Variants in TFEB observed in about 807,000 individuals in gnomAD.
TFEB encodes T-cell transcription factor EB.
Under a neutral mutation model 48.0 loss-of-function variants are expected in TFEB, and 12 were observed. The observed-to-expected ratio is 0.25, with a 90% confidence interval of 0.16 to 0.40. TFEB has a LOEUF of 0.40. Among genes scored for constraint, TFEB ranks in the 10% least tolerant of loss-of-function variants. The pLI is 1.00. For missense variants in TFEB, 509 were observed against 640.3 expected, an observed-to-expected ratio of 0.79 and a Z score of 2.21; for synonymous variants, 244 against 261.4, an observed-to-expected ratio of 0.93 and a Z score of 0.64.
intron 1 of TFEB, among the ~76,000 whole-genome samples, chr6:41,731,318 A>G (rs1483054134): frequency 6.6e-6 from 1 of 152,122 alleles, no homozygotes; most frequent in East Asian, 1.9e-4. Flanking sequence ...CCACGTTCTC[A>G]ACAACCCCCT....
intron 1 of TFEB, among the ~76,000 whole-genome samples, chr6:41,701,463 A>G (rs1224593309): frequency 6.6e-6 from 1 of 152,212 alleles, no homozygotes; most frequent in Non-Finnish European, 1.5e-5. Context: ...CTTTCCAGAA[A>G]GAGATGCACG....
At chr6:41,713,763 C>T (rs1166355308) in intron 1 of TFEB, among the ~76,000 whole-genome samples, 3 of 152,210 alleles carry the variant, frequency 2.0e-5, no homozygotes, top group Non-Finnish European at 4.4e-5. Flanking sequence ...CAGGAGCTAA[C>T]TGGCCCTGCT....
intron 1 of TFEB, among the ~76,000 whole-genome samples, chr6:41,698,371 C>T (rs994129297): frequency 2.0e-5 from 3 of 152,124 alleles, no homozygotes; most frequent in South Asian, 2.1e-4. Flanking sequence ...AGCCTCCCTG[C>T]GATCAAAGAG....
At chr6:41,688,408 G>C (rs758574721) in intron 4 of TFEB, among the ~76,000 whole-genome samples, 2 of 152,006 alleles carry the variant, frequency 1.3e-5, no homozygotes, top group African/African-American at 4.8e-5. Flanking sequence ...AAGGCACTCC[G>C]GGCAGCCACC....
At chr6:41,687,239 C>G (rs1769058724) in intron 6 of TFEB, 70 bp from the exon 7 acceptor site, 1 of 1,509,172 alleles carries the variant, frequency 6.6e-7, no homozygotes, top group Admixed American at 1.7e-5. Flanking sequence ...GGAGAAGTAC[C>G]CAGCCCAGGG....
intron 1 of TFEB, among the ~76,000 whole-genome samples, chr6:41,696,865 A>C (rs926186975): frequency 1.3e-5 from 2 of 152,334 alleles, no homozygotes; most frequent in East Asian, 3.9e-4. Context: ...TGCTCTGCGT[A>C]TATGAGTTCA....
intron 1 of TFEB, among the ~76,000 whole-genome samples, chr6:41,700,249 A>G (rs1298876962): frequency 5.3e-5 from 8 of 152,088 alleles, no homozygotes; most frequent in Non-Finnish European, 7.4e-5. Context: ...GGCGGATCAC[A>G]AGGTCAAGAG....
At chr6:41,708,360 C>A (rs1770334627) in intron 1 of TFEB, among the ~76,000 whole-genome samples, 1 of 152,190 alleles carries the variant, frequency 6.6e-6, no homozygotes, top group African/African-American at 2.4e-5. Context: ...AGGGCCCCAG[C>A]CACATGCTCT....
chr6:41,687,919 C>G lies in TFEB; in HGVS notation c.659G>C (p.Arg220Pro), dbSNP rs765986780. ...GAGGGAGGCAGTACCTGTGAGCTCTCGCTTCTGGGTCAGGTCCGCAGGGCA... is the reference window on the plus strand; with the variant it reads ...GAGGGAGGCAGTACCTGTGAGCTCTGGCTTCTGGGTCAGGTCCGCAGGGCA... Reference protein sequence around the residue: ...SSCPADLTQKRELTDAESRAL... With the variant: ...SSCPADLTQKPELTDAESRAL... Residue 220 changes from arginine (R) to proline (P), a missense_variant, in exon 5 of 9, where the codon CGA becomes CCA. Coordinates refer to ENST00000373033, the MANE Select transcript of TFEB (RefSeq NM_001271944.2). 16 of 1,613,632 alleles carry G rather than the reference C, an allele frequency of 9.9e-6. No individual in the cohort carries two copies. Among genetic ancestry groups the G allele is most frequent in the South Asian group, 3.3e-5 (3 of 91,032 alleles).
chr6:41,733,948 G>C (rs1310809994), intron 1 of TFEB: 1 of 930,002 alleles, frequency 1.1e-6, no homozygotes, highest in Non-Finnish European at 1.3e-6. Context: ...GGCCAGGGCG[G>C]GTGCAGGGGC....
At chr6:41,721,660 C>T (rs1406712629) in intron 1 of TFEB, among the ~76,000 whole-genome samples, 2 of 152,222 alleles carry the variant, frequency 1.3e-5, no homozygotes, top group Non-Finnish European at 2.9e-5. Flanking sequence ...ATCTGTCAGA[C>T]ACTTACTCCA....
intron 1 of TFEB, chr6:41,733,571 G>C (rs1177616323): frequency 3.1e-6 from 3 of 973,274 alleles, no homozygotes; most frequent in Non-Finnish European, 3.7e-6. Flanking sequence ...CCAGCTCTCC[G>C]GGCCCCGCGG....
In TFEB at chr6:41,734,228, G is replaced by A; in HGVS notation, c.-23+1122C>T. On this transcript the variant is annotated intron_variant, in intron 1 of 8. Transcript: ENST00000373033. This position sits in a 1 kb window ranked among gnomAD's most constrained non-coding sequence, Gnocchi z 4.0. ...TTCGGGGGAAGGCGCAGCGGCCAGG[G>A]GCTGGCGGAGAGCGGAGGGCGGGGG... 4.3e-6 allele frequency: 2 copies of A among 469,380 alleles called. No homozygotes were observed. Among genetic ancestry groups the A allele is most frequent in the East Asian group, 1.5e-4 (1 of 6,486 alleles). 29.1% of individuals were successfully genotyped at this position (469,380 alleles called of 1,614,324 possible). A position where few individuals can be genotyped will look rare whatever the true frequency, so the allele number is the denominator to read the frequency against.
intron 1 of TFEB, among the ~76,000 whole-genome samples, chr6:41,696,159 G>A (rs1013915325): frequency 3.9e-5 from 6 of 152,184 alleles, no homozygotes; most frequent in Non-Finnish European, 5.9e-5. Flanking sequence ...GTCAGCTGAC[G>A]CCAGTCCATT....
At chr6:41,700,737 C>T (rs1424769628) in intron 1 of TFEB, among the ~76,000 whole-genome samples, 1 of 152,144 alleles carries the variant, frequency 6.6e-6, no homozygotes, top group South Asian at 2.1e-4. Flanking sequence ...AGAGGAAGGG[C>T]GGTCACACAA....
rs1436296364 is a variant in TFEB at position 41,685,085 on chromosome 6, G to C, written c.952-7C>G. The C allele has an allele frequency of 7.0e-7, 1 of 1,434,548 alleles. No homozygotes were observed. 88.9% of individuals were successfully genotyped at this position (1,434,548 alleles called of 1,614,324 possible). ...GAGCCTGCATCTCCAGCTCCTGCAGGGGAGCAGACAGAAGGCTGGGGAACA... is the reference window on the plus strand; with the variant it reads ...GAGCCTGCATCTCCAGCTCCTGCAGCGGAGCAGACAGAAGGCTGGGGAACA... On this transcript the variant is annotated splice_region_variant and splice_polypyrimidine_tract_variant and intron_variant, in intron 8 of 8. Transcript: ENST00000373033.
At chr6:41,692,233 G>C (rs1193508975) in intron 1 of TFEB, among the ~76,000 whole-genome samples, 2 of 152,178 alleles carry the variant, frequency 1.3e-5, no homozygotes, top group Admixed American at 6.5e-5. Flanking sequence ...ACTTCCCTGA[G>C]GGCAGGCATT....
At chr6:41,687,389 C>T (rs539240474) in intron 6 of TFEB, among the ~76,000 whole-genome samples, 1 of 152,340 alleles carries the variant, frequency 6.6e-6, no homozygotes, top group South Asian at 2.1e-4. Flanking sequence ...AAGGTAGAAT[C>T]AGCCATGGTG....
rs1771135598 is a variant in TFEB at position 41,724,766 on chromosome 6, C to T, written c.-23+10584G>A. Among the ~76,000 whole-genome samples the T allele has an allele frequency of 6.6e-6, 1 of 152,164 alleles. No homozygotes were observed. Among genetic ancestry groups the T allele is most frequent in the Admixed American group, 6.5e-5 (1 of 15,272 alleles). ...CTGGGCCCCAAGGCTCCCAGAGAACCCCTCATTTCTGCAGCCCTCATCAAA... is the reference window on the plus strand; with the variant it reads ...CTGGGCCCCAAGGCTCCCAGAGAACTCCTCATTTCTGCAGCCCTCATCAAA... On this transcript the variant is annotated intron_variant, in intron 1 of 8. Coordinates refer to ENST00000373033, the MANE Select transcript of TFEB (RefSeq NM_001271944.2). The surrounding 1 kb of genome is among the most constrained non-coding windows in gnomAD (Gnocchi z 4.4).
Sources: gnomAD v4.1 joint callset for allele counts (sites outside exome capture counted in the v4.1 genomes callset) on GRCh38, gnomAD v4.1.1 for gene constraint, Gnocchi (gnomAD v3.1) non-coding constraint, MANE v1.5 for transcripts, NCBI Gene and HGNC (gene_info 2026-07-23, HGNC 2026-07-21) for gene names.